POMGNT1: variants seen among roughly 807,000 people sequenced by gnomAD.
POMGNT1 encodes the protein protein O-linked mannose N-acetylglucosaminyltransferase 1 (beta 1,2-), also known as protein O-linked-mannose beta-1,2-N-acetylglucosaminyltransferase 1.
Under a neutral mutation model 95.6 loss-of-function variants are expected in POMGNT1, and 67 were observed. The observed-to-expected ratio is 0.70, with a 90% CI of 0.58 to 0.86. POMGNT1 has a LOEUF of 0.86. Ranked by LOEUF, POMGNT1 falls within the 40% of genes least tolerant of loss-of-function variation. The pLI, the probability that POMGNT1 is intolerant of heterozygous loss-of-function variation, is 0.00. For missense variants in POMGNT1, 719 were observed against 855.2 expected, an observed-to-expected ratio of 0.84 and a Z score of 1.99; for synonymous variants, 298 against 317.9, an observed-to-expected ratio of 0.94 and a Z score of 0.66.
chr1:46,200,798 C>T (rs1363214780), upstream of POMGNT1, among the ~76,000 whole-genome samples: 1 of 152,236 alleles, frequency 6.6e-6, no homozygotes, highest in Non-Finnish European at 1.5e-5. Flanking sequence ...TAGATTTTTA[C>T]TCCTCCTATC....
At position 46,193,365 on chromosome 1, in the gene POMGNT1, C is replaced by A. The variant is rs886043076; in HGVS notation, c.1050G>T (p.Leu350=). Residue 350 remains leucine (L), a synonymous_variant, in exon 12 of 22, where the codon CTG becomes CTT. Coordinates refer to ENST00000371984, the MANE Select transcript of POMGNT1 (RefSeq NM_017739.4). ...TATGCTGGATGCCCCTCAGACCAAACAGTGCCACCACATCCATGGGTTCCT... is the reference window on the plus strand; with the variant it reads ...TATGCTGGATGCCCCTCAGACCAAAAAGTGCCACCACATCCATGGGTTCCT... ...YYEEPMDVVA[L]FGLRGIQHTP... The A allele has an allele frequency of 3.1e-6, 5 of 1,613,154 alleles. No homozygotes were observed. The highest frequency in any genetic ancestry group is 4.2e-6 in the Non-Finnish European group (5 of 1,179,582).
In POMGNT1 at chr1:46,216,084, T is replaced by A. The variant is rs79130153; in HGVS notation, c.-51+3621A>T. Reference sequence around the variant, plus strand: ...TTTTTTTTGTGACGGAGTCTCGCTGTTGCCCAGGCTGGAGTGCAGTGGCGC... The same window carrying A: ...TTTTTTTTGTGACGGAGTCTCGCTGATGCCCAGGCTGGAGTGCAGTGGCGC... On this transcript the variant is annotated intron_variant, in intron 1 of 22. Transcript: ENST00000371992. Among the ~76,000 whole-genome samples, 74 of 143,852 alleles carry A rather than the reference T, an allele frequency of 5.1e-4. 1 individual carries two copies. In the East Asian group the frequency reaches 0.014, roughly 27 times the overall value. The allele number at this position is 143,852 out of a possible 152,430, so 94.4% of individuals were successfully genotyped here.
intron 1 of POMGNT1, among the ~76,000 whole-genome samples, chr1:46,209,149 C>G (rs1162022287): frequency 1.3e-5 from 2 of 152,142 alleles, no homozygotes; most frequent in Non-Finnish European, 2.9e-5. Flanking sequence ...CTCAGCTTCC[C>G]AAGTAGCTGG....
rs756578769 is a variant in POMGNT1 at position 46,194,911 on chromosome 1, G to C, written c.585C>G (p.Ser195Arg). The change falls in exon 7 of 22, where the codon AGC becomes AGG. Residue 195 changes from serine to arginine, a missense_variant. Transcript: ENST00000371984. The stretch of plus-strand genomic sequence containing the variant: ...GGGCAGGGCCAGCCTGGCTGCCCAG[G>C]CTCCTCAGCAGAGCCTTGGCTGTGT... ...LKDTAKALLR[S>R]LGSQAGPALG... 1 of 1,614,018 alleles carries C rather than the reference G, an allele frequency of 6.2e-7. No individual in the cohort carries two copies. Among genetic ancestry groups the C allele is most frequent in the Non-Finnish European group, 8.5e-7 (1 of 1,180,048 alleles).
chr1:46,190,263 C>A, intron 19 of POMGNT1: 1 of 714,916 alleles, frequency 1.4e-6, no homozygotes, highest in Non-Finnish European at 2.4e-6. Flanking sequence ...CCAGGATGGT[C>A]TCGATCTCCT....
chr1:46,209,264 T>G (rs1292213122), intron 1 of POMGNT1, among the ~76,000 whole-genome samples: 2 of 152,114 alleles, frequency 1.3e-5, no homozygotes, highest in East Asian at 3.9e-4. Context: ...ACTCAGGTGA[T>G]CCATCCGCCT....
chr1:46,202,920 GGTGTGTGTGTGTGTGTGT>G, upstream of POMGNT1, among the ~76,000 whole-genome samples: 1 of 64,514 alleles, frequency 1.6e-5, no homozygotes, highest in African/African-American at 6.6e-5. Flanking sequence ...GGGGGGGGGT[GGTGTGTGTGTGTGTGTGT>G]GTGTGTGTGT....
Position 46,191,963 on chromosome 1 carries a change from T to C in POMGNT1, c.1539+135A>G, listed in dbSNP as rs531068753. On this transcript the variant is annotated intron_variant, in intron 17 of 21. Coordinates refer to ENST00000371984, the MANE Select transcript of POMGNT1 (RefSeq NM_017739.4). ...ATCCTCATTTTTCAGATAAAGAAAC[T>C]GAGGCAAAAATAGGATAGCTCTTTC... The C allele has an allele frequency of 3.6e-6, 5 of 1,387,052 alleles. No homozygotes were observed. The African/African-American group carries it at 7.2e-5, about 20-fold the overall frequency. The allele number at this position is 1,387,052 out of a possible 1,614,324, so 85.9% of individuals were successfully genotyped here. A position where few individuals can be genotyped will look rare whatever the true frequency, so the allele number is the denominator to read the frequency against.
intron 1 of POMGNT1, among the ~76,000 whole-genome samples, chr1:46,205,565 G>A (rs1446290651): frequency 6.6e-6 from 1 of 152,174 alleles, no homozygotes; most frequent in East Asian, 1.9e-4. Context: ...GAAGAGCCAC[G>A]CCCAGTCTCT....
chr1:46,193,490 C>T (rs112896982), intron 11 of POMGNT1, 74 bp downstream of exon 11: 2 of 1,612,876 alleles, frequency 1.2e-6, no homozygotes. Flanking sequence ...TGGGCGGTCT[C>T]CCTTGCCCGT....
upstream of POMGNT1, chr1:46,203,361 A>G: frequency 7.2e-7 from 1 of 1,396,684 alleles, no homozygotes; most frequent in Non-Finnish European, 9.4e-7. Flanking sequence ...GCAGCGGCGA[A>G]GGGAGGACCC....
exon 1 of POMGNT1, chr1:46,220,110 GA>G: frequency 5.0e-6 from 8 of 1,614,242 alleles, no homozygotes; most frequent in Non-Finnish European, 6.8e-6. Flanking sequence ...GCCCCCAGGG[GA>G]GAGGCTTCAA....
intron 10 of POMGNT1, 107 bp downstream of exon 10, chr1:46,193,748 C>A: frequency 1.3e-6 from 2 of 1,596,506 alleles, no homozygotes; most frequent in Non-Finnish European, 1.7e-6. Flanking sequence ...GAGGTGAATG[C>A]GTCTAGAATC....
intron 1 of POMGNT1, chr1:46,203,479 A>G (rs765693469): frequency 6.6e-7 from 1 of 1,524,046 alleles, no homozygotes; most frequent in South Asian, 1.3e-5. Flanking sequence ...GTGGAGGGTA[A>G]GGTGGGCAGG....
At position 46,192,116 on chromosome 1, in the gene POMGNT1, G is replaced by A. The variant is rs767617711; in HGVS notation, c.1521C>T (p.Asn507=). ...RSYHFGIVGL[N]MNGYFHEAYF... ...CACTCACGTGAAAGTAGCCATTCATGTTGAGGCCGACGATGCCAAAGTGGT... is the reference window on the plus strand; with the variant it reads ...CACTCACGTGAAAGTAGCCATTCATATTGAGGCCGACGATGCCAAAGTGGT... The change falls in exon 17 of 22, where the codon AAC becomes AAT. Residue 507 remains asparagine (N), a synonymous_variant. Coordinates refer to ENST00000371984, the MANE Select transcript of POMGNT1 (RefSeq NM_017739.4). 1.5e-5 allele frequency: 25 copies of A among 1,614,026 alleles called. No individual in the cohort carries two copies. The East Asian group carries it at 4.9e-4, about 32-fold the overall frequency.
chr1:46,219,709 G>A (rs977620205), exon 1 of POMGNT1: 3 of 1,589,574 alleles, frequency 1.9e-6, no homozygotes, highest in East Asian at 2.2e-5. Context: ...GCTTACCTGC[G>A]AGCCATCGAT....
At chr1:46,207,193 G>A (rs969474759) in intron 1 of POMGNT1, among the ~76,000 whole-genome samples, 1 of 151,914 alleles carries the variant, frequency 6.6e-6, no homozygotes. Context: ...CGGTTCTCCT[G>A]CCTCAGCTTC....
At chr1:46,213,094 C>T (rs75267870) in intron 1 of POMGNT1, among the ~76,000 whole-genome samples, 1 of 152,100 alleles carries the variant, frequency 6.6e-6, no homozygotes, top group East Asian at 1.9e-4. Flanking sequence ...AAACATTTAT[C>T]ATGTGTGTAT....
chr1:46,217,849 C>T (rs1291958631), intron 1 of POMGNT1, among the ~76,000 whole-genome samples: 1 of 152,016 alleles, frequency 6.6e-6, no homozygotes, highest in East Asian at 1.9e-4. Flanking sequence ...AAGAGAGAAA[C>T]TCTGTCTCAA....
Sources: allele counts gnomAD v4.1 joint callset (sites outside exome capture counted in the v4.1 genomes callset), GRCh38; gene constraint gnomAD v4.1.1; transcripts MANE v1.5; gene names NCBI Gene and HGNC (gene_info 2026-07-23, HGNC 2026-07-21).